PRKAR1B: variants seen among roughly 807,000 people sequenced by gnomAD.
The protein encoded by PRKAR1B is protein kinase cAMP-dependent type I regulatory subunit beta, also known as cAMP-dependent protein kinase type I-beta regulatory subunit.
In PRKAR1B, 22 loss-of-function variants were observed where a neutral mutation model predicts 46.5. The ratio of observed to expected loss-of-function variants is 0.47; its 90% CI spans 0.34 to 0.68. The LOEUF (loss-of-function observed/expected upper bound fraction) is 0.68, where lower values mean the gene tolerates loss of function less well. Among genes scored for constraint, PRKAR1B ranks in the 30% least tolerant of loss-of-function variants. The pLI, the probability that PRKAR1B is intolerant of heterozygous loss-of-function variation, is 0.01. For synonymous variants in PRKAR1B, 259 were observed against 217.7 expected, an observed-to-expected ratio of 1.19 and a Z score of -1.67; for missense variants, 445 against 535.6, an observed-to-expected ratio of 0.83 and a Z score of 1.67.
chr7:681,243 A>T (rs943942978), intron 2 of PRKAR1B, among the ~76,000 whole-genome samples: 14 of 151,872 alleles, frequency 9.2e-5, no homozygotes, highest in Non-Finnish European at 1.6e-4. Flanking sequence ...CTGTGAGTCA[A>T]TTCAACCTCT....
intron 4 of PRKAR1B, among the ~76,000 whole-genome samples, chr7:652,315 G>A (rs1346023872): frequency 6.7e-6 from 1 of 148,882 alleles, no homozygotes; most frequent in Non-Finnish European, 1.5e-5. Flanking sequence ...TAGGAACCTG[G>A]GGAAACCCCT....
At chr7:701,655 G>C (rs1780075818) in intron 2 of PRKAR1B, among the ~76,000 whole-genome samples, 1 of 152,202 alleles carries the variant, frequency 6.6e-6, no homozygotes, top group Non-Finnish European at 1.5e-5. Flanking sequence ...TAAAGCAAAT[G>C]AGGGTTCAAA....
chr7:585,803 G>C (rs1476618710), intron 7 of PRKAR1B, among the ~76,000 whole-genome samples: 1 of 152,142 alleles, frequency 6.6e-6, no homozygotes, highest in Non-Finnish European at 1.5e-5. Context: ...AACCAAGAAG[G>C]AAAGCCTAGA....
intron 2 of PRKAR1B, among the ~76,000 whole-genome samples, chr7:699,095 G>A (rs1400102623): frequency 6.6e-6 from 1 of 152,240 alleles, no homozygotes; most frequent in Non-Finnish European, 1.5e-5. Context: ...GGAGAACCCT[G>A]CACCCTGCCC....
At chr7:700,970 C>T (rs192803280) in intron 2 of PRKAR1B, among the ~76,000 whole-genome samples, 270 of 152,140 alleles carry the variant, frequency 1.8e-3, no homozygotes, top group African/African-American at 6.3e-3. Context: ...GATGGATCAC[C>T]TCAGGTCAGG....
chr7:651,259 C>CA (rs1215273607), intron 4 of PRKAR1B, among the ~76,000 whole-genome samples: 2 of 152,322 alleles, frequency 1.3e-5, no homozygotes, highest in Non-Finnish European at 2.9e-5. Context: ...AGGGGCAAAC[C>CA]AGGCTGTGCA....
At chr7:662,670 A>C (rs1241025225) in intron 4 of PRKAR1B, among the ~76,000 whole-genome samples, 1 of 150,896 alleles carries the variant, frequency 6.6e-6, no homozygotes, top group Admixed American at 6.6e-5. Flanking sequence ...AACAGATCCA[A>C]ATACCTACTC....
chr7:617,005 T>A (rs1782860920), intron 4 of PRKAR1B, among the ~76,000 whole-genome samples: 1 of 150,256 alleles, frequency 6.7e-6, no homozygotes, highest in African/African-American at 2.4e-5. Context: ...TTTTTTTTTT[T>A]TTTTTTGAGA....
chr7:719,709 T>C (rs1000634656), intron 1 of PRKAR1B, among the ~76,000 whole-genome samples: 4 of 152,132 alleles, frequency 2.6e-5, no homozygotes, highest in African/African-American at 9.7e-5. Flanking sequence ...TGGGTATTCA[T>C]GCAGTTGCCA....
At chr7:640,785 C>G (rs1169731610) in intron 4 of PRKAR1B, among the ~76,000 whole-genome samples, 1 of 117,994 alleles carries the variant, frequency 8.5e-6, no homozygotes, top group Admixed American at 8.4e-5. Context: ...CACACACACA[C>G]ACACACACAC....
rs376698663 is a variant in PRKAR1B, at chr7:680,734, G to A, written c.178-8C>T. On this transcript the variant is annotated splice_region_variant and splice_polypyrimidine_tract_variant and intron_variant, in intron 2 of 10. Transcript: ENST00000537384. Reference sequence around the variant, plus strand: ...AATCTGCCTGTTTTCTTCCTGTGTGGGAGAGGAAAACACAGAAAGGAAGTA... The same window carrying A: ...AATCTGCCTGTTTTCTTCCTGTGTGAGAGAGGAAAACACAGAAAGGAAGTA... 1.7e-5 allele frequency: 27 copies of A among 1,613,664 alleles called. No individual in the cohort carries two copies. In the Admixed American group the frequency reaches 3.3e-4, roughly 20 times the overall value.
chr7:622,857 G>A (rs1357213953), intron 4 of PRKAR1B, among the ~76,000 whole-genome samples: 1 of 152,194 alleles, frequency 6.6e-6, no homozygotes, highest in Admixed American at 6.5e-5. Context: ...ACGCTATCCA[G>A]GGGGAAAGAG....
At chr7:646,189 G>A (rs1242852661) in intron 4 of PRKAR1B, among the ~76,000 whole-genome samples, 2 of 152,152 alleles carry the variant, frequency 1.3e-5, no homozygotes, top group African/African-American at 2.4e-5. Context: ...GGGACCACAG[G>A]TGCACCACCA....
chr7:558,149 T>TA (rs531704507), intron 9 of PRKAR1B, among the ~76,000 whole-genome samples: 2,659 of 138,054 alleles, frequency 0.019, 77 homozygotes, highest in East Asian at 0.16. Flanking sequence ...CCCCATCTCT[T>TA]AAAAAAAAAA....
chr7:635,146 T>C (rs1783973614), intron 4 of PRKAR1B, among the ~76,000 whole-genome samples: 1 of 152,092 alleles, frequency 6.6e-6, no homozygotes, highest in Non-Finnish European at 1.5e-5. Flanking sequence ...ATAAATAAAA[T>C]TAGGAGATTT....
chr7:634,309 A>G (rs1783921698), intron 4 of PRKAR1B, among the ~76,000 whole-genome samples: 1 of 151,402 alleles, frequency 6.6e-6, no homozygotes, highest in African/African-American at 2.4e-5. Context: ...GGCGTGAGCC[A>G]CTGCACCCGG....
intron 1 of PRKAR1B, among the ~76,000 whole-genome samples, chr7:721,655 A>T (rs1436367720): frequency 2.0e-5 from 3 of 152,198 alleles, no homozygotes; most frequent in African/African-American, 7.2e-5. Context: ...TCTCAAAAAA[A>T]AAAAAAATTA....
At position 550,461 on chromosome 7, in the gene PRKAR1B, C is replaced by A. The variant is rs759197351; in HGVS notation, c.1115G>T (p.Arg372Leu). The part of the protein sequence containing the change: ...CSEILKRNIQ[R>L]YNSFISLTV The stretch of plus-strand genomic sequence containing the variant: ...GGTGAGGGAGATGAAGCTGTTGTAA[C>A]GCTGAATGTTCCTCTTGAGGATCTC... Residue 372 changes from arginine to leucine, a missense_variant, in exon 11 of 11, where the codon CGT (arginine) becomes CTT (leucine). Physicochemically the swap from Arg to Leu is moderately radical, Grantham distance 102. This residue lies in a region of PRKAR1B where 127 missense variants were observed against 138.0 expected (regional missense o/e 0.92). Transcript: ENST00000537384. 1 of 1,596,356 alleles carries A rather than the reference C, an allele frequency of 6.3e-7. No homozygotes were observed. Among genetic ancestry groups the A allele is most frequent in the Non-Finnish European group, 8.5e-7 (1 of 1,172,036 alleles).
chr7:646,952 G>A (rs1039831073), intron 4 of PRKAR1B, among the ~76,000 whole-genome samples: 1 of 152,176 alleles, frequency 6.6e-6, no homozygotes, highest in African/African-American at 2.4e-5. Context: ...GCAGGGAGCC[G>A]GGGGCCCTGG....
Sources: allele counts gnomAD v4.1 joint callset (sites outside exome capture counted in the v4.1 genomes callset), GRCh38; gene constraint gnomAD v4.1.1; regional missense constraint gnomAD v4.1.1; transcripts MANE v1.5; gene names NCBI Gene and HGNC (gene_info 2026-07-23, HGNC 2026-07-21).